PDE8A: variants seen among roughly 807,000 people sequenced by gnomAD.
PDE8A encodes high affinity cAMP-specific and IBMX-insensitive 3',5'-cyclic phosphodiesterase 8A.
In PDE8A, 59 loss-of-function variants were observed where a neutral mutation model predicts 105.0. The observed-to-expected ratio is 0.56, with a 90% confidence interval of 0.46 to 0.70. The LOEUF (loss-of-function observed/expected upper bound fraction) is 0.70, where lower values mean the gene tolerates loss of function less well. Ranked by LOEUF, PDE8A falls within the 30% of genes least tolerant of loss-of-function variation. The probability of loss-of-function intolerance (pLI) is 0.00; values close to 1 mark genes in which losing one functional copy is unlikely to be tolerated. For synonymous variants in PDE8A, 355 were observed against 371.9 expected, an observed-to-expected ratio of 0.95 and a Z score of 0.52; for missense variants, 1,014 against 1,045.9, an observed-to-expected ratio of 0.97 and a Z score of 0.42.
At chr15:85,126,967 G>C (rs766907365) in intron 20 of PDE8A, among the ~76,000 whole-genome samples, 2 of 152,160 alleles carry the variant, frequency 1.3e-5, no homozygotes, top group Non-Finnish European at 2.9e-5. Flanking sequence ...GTTAGCTTTG[G>C]GAGGATCACT....
chr15:85,116,145 G>A (rs377755069), intron 16 of PDE8A, 26 bp downstream of exon 16: 91 of 1,612,098 alleles, frequency 5.6e-5, no homozygotes, highest in Non-Finnish European at 5.5e-5. Flanking sequence ...GCTCAGCAGC[G>A]GGAGAACTAG....
At position 85,067,236 on chromosome 15, in the gene PDE8A, A is replaced by G. The variant is rs754110992; in HGVS notation, c.434+32A>G. Reference sequence around the variant, plus strand: ...CCAAGACTCGGGCCTAAATAGTCCCATTGGCCTTTCTGACAATACATGCAG... The same window carrying G: ...CCAAGACTCGGGCCTAAATAGTCCCGTTGGCCTTTCTGACAATACATGCAG... On this transcript the variant is annotated intron_variant, in intron 3 of 21. Coordinates refer to ENST00000394553, the MANE Select transcript of PDE8A (RefSeq NM_002605.3). 4 of 1,506,284 alleles carry G rather than the reference A, an allele frequency of 2.7e-6. No individual in the cohort carries two copies. The African/African-American group carries it at 5.6e-5, about 21-fold the overall frequency. 93.3% of individuals were successfully genotyped at this position (1,506,284 alleles called of 1,614,324 possible).
At chr15:85,137,032 G>A (rs2082421834) in intron 21 of PDE8A, among the ~76,000 whole-genome samples, 1 of 152,168 alleles carries the variant, frequency 6.6e-6, no homozygotes, top group Non-Finnish European at 1.5e-5. Flanking sequence ...AGACCAGAAG[G>A]ACTGGTCTGT....
intron 1 of PDE8A, among the ~76,000 whole-genome samples, chr15:84,989,706 G>C (rs982066511): frequency 6.6e-6 from 1 of 152,184 alleles, no homozygotes; most frequent in African/African-American, 2.4e-5. Context: ...AAAGTGTTTT[G>C]TAAACTCCAA....
rs1266048329 is a variant in PDE8A at position 85,071,268 on chromosome 15, A to G, written c.434+4064A>G. Among the ~76,000 whole-genome samples, 7 of 152,316 alleles carry G rather than the reference A, an allele frequency of 4.6e-5. No homozygotes were observed. In the East Asian group the frequency reaches 5.8e-4, roughly 13 times the overall value. On this transcript the variant is annotated intron_variant, in intron 3 of 21. Transcript: ENST00000394553. ...CCCACTGTGTTCTGCCAAGCCTGGG[A>G]TGCTGGAGTTGCTCTAACCAGAGAA...
chr15:85,106,821 C>A (rs1340666841), intron 11 of PDE8A, among the ~76,000 whole-genome samples: 2 of 152,322 alleles, frequency 1.3e-5, no homozygotes, highest in African/African-American at 4.8e-5. Context: ...CTCTGAGACG[C>A]TGAAGGATTT....
intron 5 of PDE8A, among the ~76,000 whole-genome samples, chr15:85,078,883 A>G (rs1210466175): frequency 6.6e-6 from 1 of 152,252 alleles, no homozygotes; most frequent in East Asian, 1.9e-4. Context: ...CAAACTAATC[A>G]TATATCTAGC....
intron 1 of PDE8A, among the ~76,000 whole-genome samples, chr15:85,040,562 ATT>A (rs535874533): frequency 3.0e-5 from 4 of 132,938 alleles, no homozygotes; most frequent in Non-Finnish European, 4.7e-5. Flanking sequence ...GTGCTTATGT[ATT>A]TTTTTTTTTT....
intron 1 of PDE8A, among the ~76,000 whole-genome samples, chr15:85,038,688 T>C (rs1035073248): frequency 1.6e-4 from 24 of 151,820 alleles, no homozygotes; most frequent in Non-Finnish European, 4.4e-5. Context: ...AGGACCTGAA[T>C]AGACATTTCT....
intron 1 of PDE8A, among the ~76,000 whole-genome samples, chr15:85,058,173 T>A (rs1012532818): frequency 6.6e-6 from 1 of 152,176 alleles, no homozygotes; most frequent in Non-Finnish European, 1.5e-5. Context: ...CTCGACTTCC[T>A]GGGCTCAAAT....
chr15:85,059,999 C>A (rs2081118874), intron 1 of PDE8A, among the ~76,000 whole-genome samples: 1 of 152,076 alleles, frequency 6.6e-6, no homozygotes, highest in African/African-American at 2.4e-5. Flanking sequence ...TAGAGCAGGA[C>A]CCTGTCCCTA....
chr15:85,025,743 G>GT (rs1352461782), intron 1 of PDE8A, among the ~76,000 whole-genome samples: 1 of 152,208 alleles, frequency 6.6e-6, no homozygotes, highest in Non-Finnish European at 1.5e-5. Flanking sequence ...AAAAGTCTTT[G>GT]TAAGGCACTG....
In PDE8A at chr15:85,109,113, C is replaced by G; in HGVS notation, c.1097C>G (p.Ala366Gly). 1.2e-6 allele frequency: 2 copies of G among 1,609,996 alleles called. No homozygotes were observed. The highest frequency in any genetic ancestry group is 1.7e-6 in the Non-Finnish European group (2 of 1,176,772). Residue 366 changes from alanine (A) to glycine (G), a missense_variant, in exon 12 of 22, where the codon GCC becomes GGC. Ala to Gly is a moderately conservative substitution (Grantham distance 60). Coordinates refer to ENST00000394553, the MANE Select transcript of PDE8A (RefSeq NM_002605.3). ...RKGSLDVKAV[A>G]SRATEVSSQR... is the part of the protein sequence containing the mutation. ...GGCTCACTAGACGTCAAAGCTGTTG[C>G]CTCCCGTGCAACTGAAGGTGAGTGA...
chr15:85,096,299 T>C (rs2081751530), intron 8 of PDE8A, among the ~76,000 whole-genome samples: 1 of 152,076 alleles, frequency 6.6e-6, no homozygotes, highest in Non-Finnish European at 1.5e-5. Flanking sequence ...CCATTGAAAG[T>C]ATACTATTTG....
At chr15:85,092,965 A>C (rs867456197) in intron 8 of PDE8A, among the ~76,000 whole-genome samples, 16 of 150,772 alleles carry the variant, frequency 1.1e-4, no homozygotes, top group African/African-American at 2.9e-4. Context: ...TCTGTCACCC[A>C]AGCCGGAATG....
chr15:85,085,161 A>C (rs112432748), intron 6 of PDE8A, among the ~76,000 whole-genome samples: 7 of 152,284 alleles, frequency 4.6e-5, no homozygotes, highest in African/African-American at 1.7e-4. Flanking sequence ...AAGGGTCTCC[A>C]TGGTCTGTAC....
chr15:85,054,628 G>T (rs145873354), intron 1 of PDE8A, among the ~76,000 whole-genome samples: 2 of 152,060 alleles, frequency 1.3e-5, no homozygotes, highest in Non-Finnish European at 2.9e-5. Context: ...ATTCTCTGAC[G>T]GTAGTTTGTA....
intron 8 of PDE8A, 193 bp from the exon 9 acceptor site, chr15:85,097,755 T>A (rs1037552983): frequency 1.1e-5 from 6 of 555,522 alleles, no homozygotes; most frequent in African/African-American, 9.5e-5. Flanking sequence ...CTGACTTTTG[T>A]CAGCAACTCA....
At chr15:85,017,273 A>T (rs114904164) in intron 1 of PDE8A, among the ~76,000 whole-genome samples, 9,621 of 152,048 alleles carry the variant, frequency 0.063, 709 homozygotes, top group African/African-American at 0.18. Flanking sequence ...AAAAAAAAAA[A>T]AAATAAATAA....
Sources: allele counts gnomAD v4.1 joint callset (sites outside exome capture counted in the v4.1 genomes callset), GRCh38; gene constraint gnomAD v4.1.1; transcripts MANE v1.5; gene names NCBI Gene and HGNC (gene_info 2026-07-23, HGNC 2026-07-21).